ZNF385D: variants seen among roughly 807,000 people sequenced by gnomAD.
ZNF385D encodes zinc finger protein 659.
In ZNF385D, 15 loss-of-function variants were observed where a neutral mutation model predicts 35.8. The observed-to-expected ratio is 0.42, with a 90% confidence interval of 0.28 to 0.64. ZNF385D has a LOEUF of 0.64. ZNF385D is among the 30% of genes least tolerant of loss of function. The pLI, the probability that ZNF385D is intolerant of heterozygous loss-of-function variation, is 0.23. For missense variants in ZNF385D, 474 were observed against 494.6 expected (o/e 0.96, Z 0.39); for synonymous variants, 212 against 186.8 (o/e 1.13, Z -1.10).
At chr3:22,198,386 A>G (rs1262085506) in intron 2 of ZNF385D, among the ~76,000 whole-genome samples, 1 of 152,148 alleles carries the variant, frequency 6.6e-6, no homozygotes, top group African/African-American at 2.4e-5. Context: ...GAAAGCTTCA[A>G]GATAATTAAT....
At chr3:21,975,737 A>ATATATATATG (rs1703569296) in intron 3 of ZNF385D, among the ~76,000 whole-genome samples, 2 of 67,604 alleles carry the variant, frequency 3.0e-5, no homozygotes, top group Non-Finnish European at 5.4e-5. Flanking sequence ...ATATATATAT[A>ATATATATATG]TATATATATA....
At chr3:22,258,890 T>C (rs562207712) in intron 2 of ZNF385D, among the ~76,000 whole-genome samples, 14 of 151,974 alleles carry the variant, frequency 9.2e-5, no homozygotes, top group South Asian at 2.1e-4. Flanking sequence ...TGCTATAATA[T>C]ATTGCTGTGC....
intron 1 of ZNF385D, among the ~76,000 whole-genome samples, chr3:21,707,231 C>T (rs2067939434): frequency 6.6e-6 from 1 of 152,102 alleles, no homozygotes; most frequent in Non-Finnish European, 1.5e-5. Context: ...ACTTACAAAT[C>T]ACATCATCTT....
intron 4 of ZNF385D, among the ~76,000 whole-genome samples, chr3:21,471,291 TCTCTCACACA>T (rs1408853838): frequency 3.1e-4 from 7 of 22,388 alleles, no homozygotes; most frequent in South Asian, 1.9e-3. Flanking sequence ...TCTCTCTCTC[TCTCTCACACA>T]CACACACACA....
intron 3 of ZNF385D, among the ~76,000 whole-genome samples, chr3:21,899,365 G>C (rs542441114): frequency 6.6e-6 from 1 of 152,056 alleles, no homozygotes; most frequent in Non-Finnish European, 1.5e-5. Flanking sequence ...TTCTCCCACC[G>C]GGGAAAAGAA....
chr3:22,143,321 T>C (rs1250651440), intron 3 of ZNF385D, among the ~76,000 whole-genome samples: 1 of 152,086 alleles, frequency 6.6e-6, no homozygotes. Flanking sequence ...CCTGACCTCC[T>C]GATCTGCCCG....
At chr3:21,734,740 G>A (rs1226231495) in intron 1 of ZNF385D, among the ~76,000 whole-genome samples, 2 of 152,104 alleles carry the variant, frequency 1.3e-5, no homozygotes, top group East Asian at 3.9e-4. Context: ...CCACGTGTCA[G>A]GAAATAAGAA....
chr3:21,476,945 T>C (rs1010566234), intron 4 of ZNF385D, among the ~76,000 whole-genome samples: 2 of 152,136 alleles, frequency 1.3e-5, no homozygotes, highest in Non-Finnish European at 2.9e-5. Context: ...CGTGAGAATG[T>C]TCTGAACCAT....
At chr3:21,963,233 C>T (rs166317) in intron 3 of ZNF385D, among the ~76,000 whole-genome samples, 58,536 of 151,910 alleles carry the variant, frequency 0.39, 11,929 homozygotes, top group African/African-American at 0.53. Context: ...AAGTTTATCA[C>T]CTGTGTAGGT....
intron 1 of ZNF385D, among the ~76,000 whole-genome samples, chr3:21,700,198 G>T (rs1456760195): frequency 6.6e-6 from 1 of 152,052 alleles, no homozygotes; most frequent in East Asian, 1.9e-4. Flanking sequence ...GGTTGTGGGG[G>T]TAAAGGGGTT....
At chr3:21,962,472 G>A (rs1251909428) in intron 3 of ZNF385D, among the ~76,000 whole-genome samples, 2 of 152,198 alleles carry the variant, frequency 1.3e-5, no homozygotes, top group Non-Finnish European at 2.9e-5. Context: ...GAGGTGTCAA[G>A]CAGGCAGCTT....
chr3:21,772,915 A>G (rs2071135226), intron 3 of ZNF385D, among the ~76,000 whole-genome samples: 1 of 151,928 alleles, frequency 6.6e-6, no homozygotes, highest in Non-Finnish European at 1.5e-5. Context: ...GCAACATAGA[A>G]GAATCTTGAG....
At chr3:21,662,496 C>T (rs2066269779) in intron 2 of ZNF385D, among the ~76,000 whole-genome samples, 1 of 152,044 alleles carries the variant, frequency 6.6e-6, no homozygotes, top group East Asian at 1.9e-4. Context: ...TTTATACATA[C>T]CGAATTTTTG....
At chr3:21,883,938 G>A (rs886500403) in intron 3 of ZNF385D, among the ~76,000 whole-genome samples, 6 of 151,916 alleles carry the variant, frequency 3.9e-5, no homozygotes, top group South Asian at 2.1e-4. Context: ...CTACTAAGTC[G>A]AATTTCTTGT....
intron 3 of ZNF385D, among the ~76,000 whole-genome samples, chr3:22,035,546 C>A (rs757999479): frequency 5.3e-5 from 8 of 152,048 alleles, no homozygotes; most frequent in Non-Finnish European, 7.4e-5. Flanking sequence ...ATACTGTGAC[C>A]TAAGTTCTGA....
At chr3:22,089,195 CTG>C (rs1448671270) in intron 3 of ZNF385D, among the ~76,000 whole-genome samples, 2 of 152,122 alleles carry the variant, frequency 1.3e-5, no homozygotes, top group Non-Finnish European at 2.9e-5. Context: ...TGTCTGTAAA[CTG>C]TTTACCATTA....
rs374166678 is a variant in ZNF385D at position 22,240,201 on chromosome 3, A to AAAAAAAAAG, written c.107-71167_107-71166insCTTTTTTTT. On this transcript the variant is annotated intron_variant, in intron 2 of 5. Transcript: ENST00000494108. ...CTGTCTCCAAAAAAAAAAAAAAAAA[A>AAAAAAAAAG]AAGATTTCAGACACCTGGCTCCACC... Among the ~76,000 whole-genome samples, 32 of 121,040 alleles carry AAAAAAAAAG rather than the reference A, an allele frequency of 2.6e-4. 4 individuals are homozygous for AAAAAAAAAG. The highest frequency in any genetic ancestry group is 2.8e-4 in the Non-Finnish European group (17 of 60,998). 79.4% of individuals were successfully genotyped at this position (121,040 alleles called of 152,430 possible).
chr3:22,067,474 G>C (rs1446634211), intron 3 of ZNF385D, among the ~76,000 whole-genome samples: 3 of 152,152 alleles, frequency 2.0e-5, no homozygotes, highest in African/African-American at 7.2e-5. Flanking sequence ...TATAGTTTCT[G>C]AGTTGGCAAC....
At chr3:21,500,566 G>A (rs1320528455) in intron 4 of ZNF385D, among the ~76,000 whole-genome samples, 3 of 152,186 alleles carry the variant, frequency 2.0e-5, no homozygotes, top group Non-Finnish European at 2.9e-5. Flanking sequence ...CACACAACAT[G>A]TGCATTCTTT....
Sources: gnomAD v4.1 joint callset for allele counts (sites outside exome capture counted in the v4.1 genomes callset) on GRCh38, gnomAD v4.1.1 for gene constraint, MANE v1.5 for transcripts, NCBI Gene and HGNC (gene_info 2026-07-23, HGNC 2026-07-21) for gene names.